Variants in UBA52 observed in about 807,000 individuals in gnomAD.
UBA52 encodes the protein ubiquitin-ribosomal protein eL40 fusion protein.
UBA52 carries 1 observed loss-of-function variant against 15.3 expected under a neutral mutation model. That is an observed-to-expected ratio of 0.07 (90% confidence interval 0.02 to 0.31). The LOEUF is 0.31. UBA52 is among the 10% of genes least tolerant of loss of function. UBA52 has a pLI of 1.00. For missense variants in UBA52, 87 were observed against 168.0 expected, an observed-to-expected ratio of 0.52 and a Z score of 2.66; for synonymous variants, 50 against 58.3, an observed-to-expected ratio of 0.86 and a Z score of 0.65.
At chr19:18,573,110 C>G in intron 1 of UBA52, 183 bp from the exon 2 acceptor site, 1 of 1,185,848 alleles carries the variant, frequency 8.4e-7, no homozygotes, top group Non-Finnish European at 1.2e-6. Flanking sequence ...AGACTACAGG[C>G]CAGGGTGTGT....
Position 18,575,569 on chromosome 19 carries a change from T to TG in UBA52, c.*421dup. The TG allele has an allele frequency of 4.3e-6, 1 of 232,236 alleles. No individual in the cohort carries two copies. Among genetic ancestry groups the TG allele is most frequent in the Non-Finnish European group, 8.6e-6 (1 of 116,184 alleles). The allele number at this position is 232,236 out of a possible 1,614,324, so 14.4% of individuals were successfully genotyped here. On this transcript the variant is annotated 3_prime_UTR_variant, in exon 5 of 5. Coordinates refer to ENST00000442744, the MANE Select transcript of UBA52 (RefSeq NM_001033930.3). ...TGGGTAGAAAATTAGGTACACCCAA[T>TG]GGTGTAGAACGTTGATTCTCAAATT...
chr19:18,566,478 A>G, the UBA52 span, among the ~76,000 whole-genome samples: 2 of 150,282 alleles, frequency 1.3e-5, no homozygotes, highest in South Asian at 2.1e-4. Context: ...AAAGTAACAT[A>G]GTGCTAGACA....
upstream of UBA52, chr19:18,569,029 T>G: frequency 4.5e-6 from 1 of 223,818 alleles, no homozygotes; most frequent in Non-Finnish European, 8.9e-6. Flanking sequence ...AAGCACGGTC[T>G]CCTCTGAGTT....
chr19:18,571,796 T>G (rs879786984), upstream of UBA52: 7 of 152,356 alleles, frequency 4.6e-5, no homozygotes, highest in African/African-American at 1.4e-4. Context: ...GACGCAGGCG[T>G]CCGGCGTGCT....
chr19:18,571,310 CAAA>C (rs756456955), upstream of UBA52, among the ~76,000 whole-genome samples: 1 of 108,230 alleles, frequency 9.2e-6, no homozygotes. Flanking sequence ...AACTCCGTCT[CAAA>C]AAAAAAAAAA....
upstream of UBA52, chr19:18,567,168 G>T (rs775483179): frequency 6.2e-7 from 1 of 1,614,214 alleles, no homozygotes; most frequent in Non-Finnish European, 8.5e-7. Context: ...AGCACCCAGA[G>T]GCCTTCAGCC....
chr19:18,564,735 C>T, the UBA52 span: 1 of 978,962 alleles, frequency 1.0e-6, no homozygotes, highest in Non-Finnish European at 1.5e-6. Flanking sequence ...GTAGGTAGAA[C>T]TCTGCAGGAC....
At chr19:18,568,398 C>T (rs1975367821), upstream of UBA52, 2 of 1,611,316 alleles carry the variant, frequency 1.2e-6, no homozygotes, top group Non-Finnish European at 1.7e-6. Context: ...CCTCCTTCCC[C>T]CAGATATCCC....
upstream of UBA52, among the ~76,000 whole-genome samples, chr19:18,569,792 G>A (rs775746338): frequency 2.8e-4 from 42 of 151,920 alleles, no homozygotes; most frequent in Non-Finnish European, 5.1e-4. Flanking sequence ...CCAGCACTTT[G>A]GGAGGCCGAG....
chr19:18,567,143 G>A, upstream of UBA52: 1 of 1,614,162 alleles, frequency 6.2e-7, no homozygotes, highest in Non-Finnish European at 8.5e-7. Context: ...ACGCTGAAAG[G>A]GAAACTGGCC....
upstream of UBA52, among the ~76,000 whole-genome samples, chr19:18,569,751 T>G (rs1173573166): frequency 1.3e-5 from 2 of 151,670 alleles, no homozygotes; most frequent in African/African-American, 2.4e-5. Flanking sequence ...TATGTTGTTA[T>G]GACCGGGCTT....
upstream of UBA52, among the ~76,000 whole-genome samples, chr19:18,567,705 C>CT (rs1165238239): frequency 6.6e-6 from 1 of 152,192 alleles, no homozygotes; most frequent in Non-Finnish European, 1.5e-5. Context: ...TTGCCACCAC[C>CT]TTAAAGGGCT....
At chr19:18,570,163 CT>C (rs1480491352), upstream of UBA52, among the ~76,000 whole-genome samples, 3 of 151,920 alleles carry the variant, frequency 2.0e-5, no homozygotes, top group African/African-American at 7.2e-5. Flanking sequence ...CTATAGGTAA[CT>C]TCTCATTGCT....
chr19:18,573,455 T>G, intron 2 of UBA52, 52 bp downstream of exon 2: 1 of 1,496,632 alleles, frequency 6.7e-7, no homozygotes, highest in South Asian at 1.1e-5. Context: ...AGTCCCTCTC[T>G]GCCCAGGGGA....
chr19:18,568,422 C>T (rs2145265210), upstream of UBA52: 1 of 1,614,094 alleles, frequency 6.2e-7, no homozygotes, highest in Non-Finnish European at 8.5e-7. Context: ...GGCATCCTTC[C>T]TGGAGGAAGA....
intron 2 of UBA52, 106 bp from the exon 3 acceptor site, chr19:18,573,556 C>T: frequency 7.4e-7 from 1 of 1,355,766 alleles, no homozygotes; most frequent in Non-Finnish European, 1.0e-6. Flanking sequence ...TCTTCTACCT[C>T]AGTTGGCCTT....
chr19:18,570,507 C>CCTTTTTTTTTTTTTTTTTTT (rs1555752290), upstream of UBA52, among the ~76,000 whole-genome samples: 5 of 44,786 alleles, frequency 1.1e-4, 2 homozygotes, highest in Non-Finnish European at 1.5e-4. Flanking sequence ...CGCCGTGGCA[C>CCTTTTTTTTTTTTTTTTTTT]TTTTTTTTTT....
upstream of UBA52, among the ~76,000 whole-genome samples, chr19:18,570,497 C>T (rs1310274090): frequency 8.8e-5 from 13 of 148,514 alleles, no homozygotes; most frequent in Admixed American, 5.5e-4. Context: ...CCACTGCACC[C>T]GCCGTGGCAC....
rs1288067542 is a variant in UBA52, at chr19:18,576,796, G to A, written c.*1646G>A. ...CCTTTCTCAGCCTCTTGAGTAGCTGGAATTACCAGTGTGCGCCACCACCAC... is the reference window on the plus strand; with the variant it reads ...CCTTTCTCAGCCTCTTGAGTAGCTGAAATTACCAGTGTGCGCCACCACCAC... On this transcript the variant is annotated 3_prime_UTR_variant, in exon 5 of 5. Coordinates refer to ENST00000442744, the MANE Select transcript of UBA52 (RefSeq NM_001033930.3). The A allele has an allele frequency of 2.6e-5, 4 of 151,448 alleles. No homozygotes were observed. The highest frequency in any genetic ancestry group is 9.7e-5 in the African/African-American group (4 of 41,162). The allele number at this position is 151,448 out of a possible 1,614,324, so 9.4% of individuals were successfully genotyped here.
Sources: gnomAD v4.1 joint callset for allele counts (sites outside exome capture counted in the v4.1 genomes callset) on GRCh38, gnomAD v4.1.1 for gene constraint, MANE v1.5 for transcripts, NCBI Gene and HGNC (gene_info 2026-07-23, HGNC 2026-07-21) for gene names.